TXNRD1: variants seen among roughly 807,000 people sequenced by gnomAD.
TXNRD1 encodes thioredoxin reductase 1, cytoplasmic.
A neutral mutation model predicts 80.3 loss-of-function variants in TXNRD1; 57 were observed. The observed-to-expected ratio is 0.71, with a 90% CI of 0.57 to 0.89. TXNRD1 has a LOEUF of 0.89. Ranked by LOEUF, TXNRD1 falls within the 40% of genes least tolerant of loss-of-function variation. The probability of loss-of-function intolerance (pLI) is 0.00; values close to 1 mark genes in which losing one functional copy is unlikely to be tolerated. For missense variants in TXNRD1, 730 were observed against 803.0 expected (o/e 0.91, Z 1.10); for synonymous variants, 291 against 285.2 (o/e 1.02, Z -0.20).
At chr12:104,341,689 T>A (rs1309198617) in intron 16 of TXNRD1, among the ~76,000 whole-genome samples, 1 of 152,106 alleles carries the variant, frequency 6.6e-6, no homozygotes, top group Non-Finnish European at 1.5e-5. Flanking sequence ...CAACCAATTC[T>A]CCAGCTTTCT....
At position 104,321,196 on chromosome 12, in the gene TXNRD1, C is replaced by A. The variant is rs201777096; in HGVS notation, c.1095C>A (p.Asp365Glu). Residue 365 changes from aspartate (D) to glutamate (E), a missense_variant, in exon 10 of 17, where the codon GAC (aspartate) becomes GAA (glutamate). Coordinates refer to ENST00000525566, the MANE Select transcript of TXNRD1 (RefSeq NM_001093771.3). The part of the protein sequence containing the change: ...CAGFLAGIGL[D>E]VTVMVRSILL... ...GATTTCTTGCTGGTATTGGTTTAGA[C>A]GTCACTGTTATGGTTAGGTCCATTC... 4.9e-4 allele frequency: 785 copies of A among 1,613,556 alleles called. 7 individuals are homozygous for A. In the African/African-American group the frequency reaches 9.1e-3, roughly 19 times the overall value.
intron 10 of TXNRD1, among the ~76,000 whole-genome samples, chr12:104,322,528 G>A (rs1039139439): frequency 2.0e-5 from 3 of 151,688 alleles, no homozygotes; most frequent in South Asian, 2.1e-4. Context: ...CCACAGGTGC[G>A]TGCCACCACA....
chr12:104,238,881 C>T (rs1488526140), intron 1 of TXNRD1, among the ~76,000 whole-genome samples: 1 of 151,814 alleles, frequency 6.6e-6, no homozygotes, highest in Non-Finnish European at 1.5e-5. Flanking sequence ...GAGTCTTGCA[C>T]TGTTGCCCAG....
intron 1 of TXNRD1, among the ~76,000 whole-genome samples, chr12:104,223,318 T>G (rs1302651897): frequency 2.6e-5 from 4 of 152,220 alleles, no homozygotes; most frequent in African/African-American, 9.6e-5. Flanking sequence ...CAATGTTTCA[T>G]TAAGTGCTTT....
chr12:104,326,192 T>G (rs1471059981), intron 11 of TXNRD1, among the ~76,000 whole-genome samples, 155 bp from the exon 12 acceptor site: 1 of 152,200 alleles, frequency 6.6e-6, no homozygotes, highest in Non-Finnish European at 1.5e-5. Context: ...AGATTTTAAT[T>G]TATTTAAACT....
At chr12:104,278,505 T>TTTC (rs2135732579) in intron 3 of TXNRD1, among the ~76,000 whole-genome samples, 1 of 126,394 alleles carries the variant, frequency 7.9e-6, no homozygotes, top group East Asian at 2.5e-4. Context: ...AGCCTAATTT[T>TTTC]TTTTTTTTTT....
Position 104,321,242 on chromosome 12 carries a change from G to C in TXNRD1, c.1141G>C (p.Asp381His). Residue 381 changes from aspartate to histidine, a missense_variant, in exon 10 of 17, where the codon GAC (aspartate) becomes CAC (histidine). Coordinates refer to ENST00000525566, the MANE Select transcript of TXNRD1 (RefSeq NM_001093771.3). ...RSILLRGFDQ[D>H]MANKIGEHME... ...CATTCTTCTTAGAGGATTTGACCAG[G>C]ACATGGCCAACAAAATTGGTGAACA... 6.2e-7 allele frequency: 1 copy of C among 1,613,880 alleles called. No homozygotes were observed. Among genetic ancestry groups the C allele is most frequent in the Non-Finnish European group, 8.5e-7 (1 of 1,179,846 alleles).
intron 1 of TXNRD1, among the ~76,000 whole-genome samples, chr12:104,222,520 A>G (rs190013158): frequency 6.6e-6 from 1 of 152,374 alleles, no homozygotes; most frequent in East Asian, 1.9e-4. Flanking sequence ...TTGCTAGTAC[A>G]GTAGTTACAA....
intron 4 of TXNRD1, among the ~76,000 whole-genome samples, chr12:104,310,657 A>G (rs1309884593): frequency 2.0e-5 from 3 of 152,218 alleles, no homozygotes; most frequent in African/African-American, 4.8e-5. Flanking sequence ...CTAACACCTA[A>G]ATTATAAAAG....
intron 1 of TXNRD1, among the ~76,000 whole-genome samples, chr12:104,236,901 T>G (rs1276704654): frequency 6.6e-6 from 1 of 152,190 alleles, no homozygotes; most frequent in Non-Finnish European, 1.5e-5. Flanking sequence ...GGCTCTTTTC[T>G]TCTCAGTTGA....
intron 6 of TXNRD1, among the ~76,000 whole-genome samples, chr12:104,314,774 C>T (rs2035263935): frequency 7.3e-6 from 1 of 136,418 alleles, no homozygotes; most frequent in African/African-American, 2.8e-5. Context: ...TGGAGTCTCG[C>T]TCTGTCGCCC....
At chr12:104,259,139 G>T (rs2033311760) in intron 3 of TXNRD1, among the ~76,000 whole-genome samples, 1 of 152,118 alleles carries the variant, frequency 6.6e-6, no homozygotes, top group Non-Finnish European at 1.5e-5. Flanking sequence ...AGCACTTGGG[G>T]AGGCTGTGGT....
At chr12:104,321,786 G>T (rs139289542) in intron 10 of TXNRD1, among the ~76,000 whole-genome samples, 1 of 152,260 alleles carries the variant, frequency 6.6e-6, no homozygotes, top group South Asian at 2.1e-4. Flanking sequence ...ATTTATTTAT[G>T]TGTGCTAACC....
At chr12:104,327,880 G>A (rs547733795) in intron 13 of TXNRD1, among the ~76,000 whole-genome samples, 5 of 151,596 alleles carry the variant, frequency 3.3e-5, no homozygotes, top group South Asian at 2.1e-4. Context: ...TCGACACTCC[G>A]CCGGGCACAG....
At position 104,329,076 on chromosome 12, in the gene TXNRD1, A is replaced by G. The variant is rs150176917; in HGVS notation, c.1542+1405A>G. On this transcript the variant is annotated intron_variant, in intron 13 of 16. Coordinates refer to ENST00000525566, the MANE Select transcript of TXNRD1 (RefSeq NM_001093771.3). ...GGGTTATTTGGGATGTAGCATAATA[A>G]AATCTCATATTTTGAATTAATGGAT... Among the ~76,000 whole-genome samples, 58 of 152,288 alleles carry G rather than the reference A, an allele frequency of 3.8e-4. 2 individuals are homozygous for G. The East Asian group carries it at 0.011, about 28-fold the overall frequency.
At chr12:104,321,559 T>C (rs1445182731) in intron 10 of TXNRD1, among the ~76,000 whole-genome samples, 32 of 152,210 alleles carry the variant, frequency 2.1e-4, no homozygotes, top group Admixed American at 2.1e-3. Flanking sequence ...TTGGTTTTCT[T>C]CTCTTCTGTT....
At chr12:104,264,527 T>A (rs929740990) in intron 3 of TXNRD1, among the ~76,000 whole-genome samples, 19 of 152,326 alleles carry the variant, frequency 1.2e-4, no homozygotes, top group African/African-American at 3.8e-4. Context: ...TTAATTTTTT[T>A]AAATTTGGAG....
chr12:104,300,876 C>A (rs138435847), intron 4 of TXNRD1, among the ~76,000 whole-genome samples: 1 of 152,160 alleles, frequency 6.6e-6, no homozygotes, highest in South Asian at 2.1e-4. Context: ...AAACTCCTGA[C>A]CTCAGGTGAG....
At chr12:104,250,295 A>G (rs966879963) in intron 1 of TXNRD1, among the ~76,000 whole-genome samples, 3 of 152,242 alleles carry the variant, frequency 2.0e-5, no homozygotes, top group South Asian at 2.1e-4. Flanking sequence ...AACTAAAACT[A>G]TAAGACTCTT....
Sources: allele counts gnomAD v4.1 joint callset (sites outside exome capture counted in the v4.1 genomes callset), GRCh38; gene constraint gnomAD v4.1.1; transcripts MANE v1.5; gene names NCBI Gene and HGNC (gene_info 2026-07-23, HGNC 2026-07-21).